MIDEAS: variants seen among roughly 807,000 people sequenced by gnomAD.
MIDEAS encodes the protein mitotic deacetylase associated SANT domain protein, also known as mitotic deacetylase-associated SANT domain protein.
In MIDEAS, 26 loss-of-function variants were observed where a neutral mutation model predicts 102.7. The observed-to-expected ratio is 0.25, with a 90% confidence interval of 0.19 to 0.35. MIDEAS has a LOEUF of 0.35. MIDEAS is among the 10% of genes least tolerant of loss of function. The pLI is 1.00. For missense variants in MIDEAS, 1,231 were observed against 1,435.6 expected (o/e 0.86, Z 2.30); for synonymous variants, 585 against 591.0 (o/e 0.99, Z 0.15).
chr14:73,767,977 G>A (rs2053606158), intron 1 of MIDEAS, among the ~76,000 whole-genome samples: 1 of 151,996 alleles, frequency 6.6e-6, no homozygotes, highest in South Asian at 2.1e-4. Context: ...TGGGCCACAT[G>A]GTGAAACCCC....
Position 73,729,897 on chromosome 14 carries a change from G to T in MIDEAS, c.1838C>A (p.Thr613Asn). The T allele has an allele frequency of 6.2e-7, 1 of 1,613,098 alleles. No homozygotes were observed. The highest frequency in any genetic ancestry group is 8.5e-7 in the Non-Finnish European group (1 of 1,179,352). ...RPRPEPLIIP[T>N]KAGTFIAPPV... Reference sequence around the variant, plus strand: ...AGGGGCGATGAAAGTGCCCGCCTTGGTGGGGATGATGAGGGGCTCGGGCCT... The same window carrying T: ...AGGGGCGATGAAAGTGCCCGCCTTGTTGGGGATGATGAGGGGCTCGGGCCT... Residue 613 changes from threonine (T) to asparagine (N), a missense_variant, in exon 4 of 13, where the codon ACC (threonine) becomes AAC (asparagine). This residue lies in a region of MIDEAS where 758 missense variants were observed against 856.0 expected (regional missense o/e 0.89). Transcript: ENST00000423556.
At chr14:73,752,376 A>G (rs943327585) in intron 1 of MIDEAS, among the ~76,000 whole-genome samples, 1 of 152,106 alleles carries the variant, frequency 6.6e-6, no homozygotes, top group African/African-American at 2.4e-5. Flanking sequence ...TGGGGGAGGT[A>G]AAGCAGGGGG....
At position 73,721,466 on chromosome 14, in the gene MIDEAS, G is replaced by T; in HGVS notation, c.2768C>A (p.Ser923Tyr). The change falls in exon 11 of 13, where the codon TCC (serine) becomes TAC (tyrosine). Residue 923 changes from serine (S) to tyrosine (Y), a missense_variant. Transcript: ENST00000423556. ...FPRVPLPRRESPSEERLEPKR... is the reference protein window; with the variant it reads ...FPRVPLPRREYPSEERLEPKR... ...GGGCTCCAGCCTCTCTTCACTTGGGGACTCTCTTCTGGGAAGAGGCACCCT... is the reference window on the plus strand; with the variant it reads ...GGGCTCCAGCCTCTCTTCACTTGGGTACTCTCTTCTGGGAAGAGGCACCCT... The T allele has an allele frequency of 1.2e-6, 2 of 1,614,104 alleles. No individual in the cohort carries two copies. The highest frequency in any genetic ancestry group is 1.7e-6 in the Non-Finnish European group (2 of 1,180,020).
chr14:73,750,106 G>A (rs1566598649), intron 1 of MIDEAS, among the ~76,000 whole-genome samples: 1 of 152,180 alleles, frequency 6.6e-6, no homozygotes, highest in African/African-American at 2.4e-5. Flanking sequence ...CAAAAGAAGG[G>A]AGCTAACGAG....
At chr14:73,736,847 C>G (rs2053206632) in intron 3 of MIDEAS, 151 bp downstream of exon 3, 3 of 727,312 alleles carry the variant, frequency 4.1e-6, no homozygotes, top group Non-Finnish European at 6.6e-6. Flanking sequence ...TTCTGGACGT[C>G]TGTCCAGAAG....
rs1472409997 is a variant in MIDEAS at position 73,729,871 on chromosome 14, G to C, written c.1864C>G (p.Pro622Ala). Reference sequence around the variant, plus strand: ...TATGGGGTGATGTTGGAGTAGACGGGAGGGGCGATGAAAGTGCCCGCCTTG... The same window carrying C: ...TATGGGGTGATGTTGGAGTAGACGGCAGGGGCGATGAAAGTGCCCGCCTTG... ...PTKAGTFIAP[P>A]VYSNITPYQS... is the part of the protein sequence containing the mutation. Residue 622 changes from proline to alanine, a missense_variant, in exon 4 of 13, where the codon CCC becomes GCC. This residue lies in a region of MIDEAS where 758 missense variants were observed against 856.0 expected (regional missense o/e 0.89). Transcript: ENST00000423556. The C allele has an allele frequency of 1.2e-6, 2 of 1,613,740 alleles. No homozygotes were observed. Among genetic ancestry groups the C allele is most frequent in the Admixed American group, 3.3e-5 (2 of 60,012 alleles).
In MIDEAS at chr14:73,726,669, G is replaced by A; in HGVS notation, c.2344C>T (p.Pro782Ser). The A allele has an allele frequency of 6.2e-7, 1 of 1,614,256 alleles. No individual in the cohort carries two copies. Among genetic ancestry groups the A allele is most frequent in the Non-Finnish European group, 8.5e-7 (1 of 1,180,044 alleles). The part of the protein sequence containing the change: ...LLTAACSSIF[P>S]GAGTNQELAL... ...AGCTCCTGGTTGGTGCCAGCACCAG[G>A]GAAAATGCTGGAGCAGGCGGCTGTC... The change falls in exon 7 of 13, where the codon CCT becomes TCT. Residue 782 changes from proline (P) to serine (S), a missense_variant. By Grantham distance (74) the Pro-to-Ser change is moderately conservative. This residue lies in a region of MIDEAS where 391 missense variants were observed against 483.0 expected (regional missense o/e 0.81). Transcript: ENST00000423556.
chr14:73,771,135 G>A lies in MIDEAS; in HGVS notation c.-248+15967C>T, dbSNP rs143702524. ...GAGTACCCCTAATGAGCATCCAGGC[G>A]TGCCCTGAGCCCATACTCTCCATTT... On this transcript the variant is annotated intron_variant, in intron 1 of 11. Transcript: ENST00000394071. 5.7e-3 allele frequency among the ~76,000 whole-genome samples: 864 copies of A among 152,228 alleles called. 3 individuals are homozygous for A. The highest frequency in any genetic ancestry group is 0.027 in the Middle Eastern group (8 of 294).
chr14:73,737,242 C>G lies in MIDEAS; in HGVS notation c.1505G>C (p.Cys502Ser), dbSNP rs780956921. 1.2e-6 allele frequency: 2 copies of G among 1,614,154 alleles called. No individual in the cohort carries two copies. Among genetic ancestry groups the G allele is most frequent in the South Asian group, 2.2e-5 (2 of 91,076 alleles). Residue 502 changes from cysteine (C) to serine (S), a missense_variant, in exon 3 of 13, where the codon TGT becomes TCT. By Grantham distance (112) the Cys-to-Ser change is moderately radical. This residue lies in a region of MIDEAS where 758 missense variants were observed against 856.0 expected (regional missense o/e 0.89). Coordinates refer to ENST00000423556, the MANE Select transcript of MIDEAS (RefSeq NM_001367710.1). ...GGAAGGCTCAGAAAACTCCACCCCA[C>G]ACTTGGTAGTTGAGGCCAATACACT... is the stretch of plus-strand genomic sequence containing the variant. ...RKSVLASTTKCGVEFSEPSLA... is the reference protein window; with the variant it reads ...RKSVLASTTKSGVEFSEPSLA...
intron 1 of MIDEAS, among the ~76,000 whole-genome samples, chr14:73,779,735 GC>G: frequency 7.0e-6 from 1 of 143,812 alleles, no homozygotes; most frequent in South Asian, 2.3e-4. Context: ...CCGCCACCGC[GC>G]CCGGCTAATT....
Position 73,740,172 on chromosome 14 carries a change from T to G in MIDEAS, c.-164A>C, listed in dbSNP as rs1039551505. On this transcript the variant is annotated 5_prime_UTR_variant, in exon 2 of 13. Coordinates refer to ENST00000423556, the MANE Select transcript of MIDEAS (RefSeq NM_001367710.1). Reference sequence around the variant, plus strand: ...GAGGTCGGACACTGGGAGAAAGAACTGCTGGCTCTTCCTTTCTCTTCCAGA... The same window carrying G: ...GAGGTCGGACACTGGGAGAAAGAACGGCTGGCTCTTCCTTTCTCTTCCAGA... The G allele has an allele frequency of 6.0e-5, 48 of 801,704 alleles. No homozygotes were observed. Among genetic ancestry groups the G allele is most frequent in the Non-Finnish European group, 7.9e-5 (46 of 584,370 alleles). 49.7% of individuals were successfully genotyped at this position (801,704 alleles called of 1,614,324 possible).
chr14:73,747,781 G>A (rs1259935065), intron 1 of MIDEAS, among the ~76,000 whole-genome samples: 1 of 152,110 alleles, frequency 6.6e-6, no homozygotes, highest in Non-Finnish European at 1.5e-5. Flanking sequence ...CAGGGGAAGG[G>A]CTAAAGGGCC....
At chr14:73,761,311 C>T (rs1456603754), upstream of MIDEAS, among the ~76,000 whole-genome samples, 1 of 152,078 alleles carries the variant, frequency 6.6e-6, no homozygotes, top group Non-Finnish European at 1.5e-5. Flanking sequence ...ACTGGGCCTA[C>T]AGGGCCAGGG....
intron 7 of MIDEAS, 49 bp downstream of exon 7, chr14:73,726,555 A>T (rs768256400): frequency 6.7e-5 from 106 of 1,576,602 alleles, no homozygotes; most frequent in Middle Eastern, 3.9e-4. Context: ...CATGGATCCA[A>T]GCCAGCCCCC....
intron 2 of MIDEAS, among the ~76,000 whole-genome samples, chr14:73,737,753 G>A (rs923295623): frequency 6.8e-6 from 1 of 147,304 alleles, no homozygotes; most frequent in Middle Eastern, 3.3e-3. Context: ...CTTTTTCCCT[G>A]ACTACCTTTT....
intron 1 of MIDEAS, among the ~76,000 whole-genome samples, chr14:73,755,654 T>C (rs757681863): frequency 2.6e-5 from 4 of 152,222 alleles, no homozygotes; most frequent in Non-Finnish European, 4.4e-5. Flanking sequence ...AACCCTCGGC[T>C]GCAGGGCCAC....
At chr14:73,776,899 C>T (rs2053694149) in intron 1 of MIDEAS, among the ~76,000 whole-genome samples, 1 of 151,862 alleles carries the variant, frequency 6.6e-6, no homozygotes, top group Admixed American at 6.6e-5. Context: ...GGTGAAACCC[C>T]ATCTCTACTA....
intron 12 of MIDEAS, 116 bp from the exon 13 acceptor site, chr14:73,719,124 G>A (rs1320532451): frequency 8.9e-6 from 13 of 1,460,890 alleles, no homozygotes; most frequent in South Asian, 1.4e-5. Flanking sequence ...GCCGCGGCCG[G>A]CCAGCTCGCG....
rs538356336 is a variant in MIDEAS, at chr14:73,719,343, C to T, written c.3096G>A (p.Gln1032=). ...TACAGGGGAAAGTGTTCTCCTGATT[C>T]TGGGTCTTACTGAATGTCTCTGTTT... ...KKKTETFSKT[Q]NQENTFPCKK... Residue 1032 remains glutamine, a synonymous_variant, in exon 12 of 13, where the codon CAG becomes CAA. Coordinates refer to ENST00000423556, the MANE Select transcript of MIDEAS (RefSeq NM_001367710.1). 3.1e-6 allele frequency: 5 copies of T among 1,612,796 alleles called. No homozygotes were observed. The South Asian group carries it at 4.4e-5, about 14-fold the overall frequency.
Sources: allele counts gnomAD v4.1 joint callset (sites outside exome capture counted in the v4.1 genomes callset), GRCh38; gene constraint gnomAD v4.1.1; regional missense constraint gnomAD v4.1.1; transcripts MANE v1.5; gene names NCBI Gene and HGNC (gene_info 2026-07-23, HGNC 2026-07-21).